SCTR: variants seen among roughly 807,000 people sequenced by gnomAD.
The protein encoded by SCTR is pancreatic secretin receptor.
SCTR carries 56 observed loss-of-function variants against 60.8 expected under a neutral mutation model. That is an observed-to-expected ratio of 0.92 (90% confidence interval 0.74 to 1.15). The LOEUF is 1.15. SCTR is among the 50% of genes most tolerant of loss of function. The probability of loss-of-function intolerance (pLI) is 0.00; values close to 1 mark genes in which losing one functional copy is unlikely to be tolerated. For synonymous variants in SCTR, 202 were observed against 217.0 expected (o/e 0.93, Z 0.61); for missense variants, 562 against 550.4 (o/e 1.02, Z -0.21).
intron 1 of SCTR, among the ~76,000 whole-genome samples, chr2:119,513,401 A>G (rs1447818889): frequency 6.6e-6 from 1 of 152,232 alleles, no homozygotes; most frequent in Non-Finnish European, 1.5e-5. Flanking sequence ...CCCTAAGCAT[A>G]TTTAAAAAAA....
intron 5 of SCTR, 130 bp downstream of exon 5, chr2:119,465,659 A>G (rs138911525): frequency 4.9e-5 from 32 of 651,076 alleles, no homozygotes; most frequent in Non-Finnish European, 8.4e-5. Context: ...GCCATAGGTC[A>G]GCTTTAGATC....
At chr2:119,452,468 G>T (rs1200325683) in intron 8 of SCTR, among the ~76,000 whole-genome samples, 1 of 152,156 alleles carries the variant, frequency 6.6e-6, no homozygotes, top group East Asian at 1.9e-4. Context: ...GGCCTGGAGG[G>T]TACTGAGCAA....
chr2:119,502,821 G>A (rs758842617), intron 1 of SCTR, among the ~76,000 whole-genome samples: 14 of 135,662 alleles, frequency 1.0e-4, no homozygotes, highest in East Asian at 4.1e-4. Flanking sequence ...GTGAGACCTC[G>A]TCAAAAAAAA....
At position 119,468,886 on chromosome 2, in the gene SCTR, T is replaced by G. The variant is rs1683946498; in HGVS notation, c.406-3000A>C. Among the ~76,000 whole-genome samples the G allele has an allele frequency of 2.0e-5, 3 of 152,134 alleles. No homozygotes were observed. The South Asian group carries it at 6.2e-4, about 32-fold the overall frequency. On this transcript the variant is annotated intron_variant, in intron 4 of 12. Transcript: ENST00000019103. The stretch of plus-strand genomic sequence containing the variant: ...ACACACACTTAGAGGAGAAAAGTGT[T>G]AGACTGAACAACATGTAGAAGAAGG...
At chr2:119,519,670 G>T (rs13011233) in intron 1 of SCTR, among the ~76,000 whole-genome samples, 34,018 of 151,644 alleles carry the variant, frequency 0.22, 4,123 homozygotes, top group Non-Finnish European at 0.26. Flanking sequence ...GCCAGACATT[G>T]TGGTGCATGC....
chr2:119,524,296 A>T lies in SCTR; in HGVS notation c.-70T>A. ...GTGCCCTCTGCCCGCTCGGGAGCTC[A>T]GCGCCCCGCGCAGGGTCCCGGGCTC... is the stretch of plus-strand genomic sequence containing the variant. On this transcript the variant is annotated 5_prime_UTR_variant, in exon 1 of 13. The change abolishes the stop of an existing upstream ORF in the 5' untranslated region. Transcript: ENST00000019103. 9.2e-7 allele frequency: 1 copy of T among 1,090,980 alleles called. No homozygotes were observed. The highest frequency in any genetic ancestry group is 1.2e-6 in the Non-Finnish European group (1 of 821,978). The allele number at this position is 1,090,980 out of a possible 1,614,324, so 67.6% of individuals were successfully genotyped here. A position where few individuals can be genotyped will look rare whatever the true frequency, so the allele number is the denominator to read the frequency against.
At chr2:119,457,438 G>T (rs78165473) in intron 7 of SCTR, among the ~76,000 whole-genome samples, 1 of 152,168 alleles carries the variant, frequency 6.6e-6, no homozygotes, top group Non-Finnish European at 1.5e-5. Flanking sequence ...TTGGTCAGGC[G>T]CAATGGCTCA....
chr2:119,501,462 A>C (rs1197476361), intron 1 of SCTR, among the ~76,000 whole-genome samples: 1 of 152,048 alleles, frequency 6.6e-6, no homozygotes, highest in African/African-American at 2.4e-5. Context: ...GGTGTTTACC[A>C]CCTGCTGGGA....
chr2:119,467,001 G>A (rs1012315614), intron 4 of SCTR, among the ~76,000 whole-genome samples: 7 of 152,150 alleles, frequency 4.6e-5, no homozygotes, highest in Non-Finnish European at 7.4e-5. Flanking sequence ...ATGCAGCCAA[G>A]CAGGCATTCA....
rs1353456317 is a variant in SCTR at position 119,494,363 on chromosome 2, C to T, written c.193+65G>A. The T allele has an allele frequency of 1.9e-5, 30 of 1,569,400 alleles. No homozygotes were observed. The East Asian group carries it at 6.6e-4, about 35-fold the overall frequency. Reference sequence around the variant, plus strand: ...CATCCTGGCCCAGGATAAGCTCCCCCTGCCCAGCAGGACCGGACATGCTCC... The same window carrying T: ...CATCCTGGCCCAGGATAAGCTCCCCTTGCCCAGCAGGACCGGACATGCTCC... On this transcript the variant is annotated intron_variant, in intron 2 of 12. Transcript: ENST00000019103.
At chr2:119,485,678 C>T (rs928939341) in intron 2 of SCTR, among the ~76,000 whole-genome samples, 2 of 152,170 alleles carry the variant, frequency 1.3e-5, no homozygotes, top group Non-Finnish European at 2.9e-5. Context: ...CTGATGGGGT[C>T]ACCAGGGAAG....
intron 7 of SCTR, among the ~76,000 whole-genome samples, chr2:119,460,151 T>C (rs1223547739): frequency 6.6e-5 from 10 of 151,628 alleles, no homozygotes. Flanking sequence ...GCAGCTCCCC[T>C]GATCGGGAGA....
At chr2:119,468,202 A>T (rs968078098) in intron 4 of SCTR, among the ~76,000 whole-genome samples, 6 of 152,206 alleles carry the variant, frequency 3.9e-5, no homozygotes, top group Non-Finnish European at 8.8e-5. Context: ...TCCACAGTGG[A>T]TAAGGGCTAT....
At chr2:119,507,292 T>C (rs1435414908) in intron 1 of SCTR, among the ~76,000 whole-genome samples, 1 of 152,260 alleles carries the variant, frequency 6.6e-6, no homozygotes, top group Non-Finnish European at 1.5e-5. Context: ...TACAGTATGA[T>C]TGTAATTATG....
intron 9 of SCTR, among the ~76,000 whole-genome samples, chr2:119,449,202 G>C (rs1319282112): frequency 6.6e-6 from 1 of 152,204 alleles, no homozygotes; most frequent in African/African-American, 2.4e-5. Context: ...GGTACCCATT[G>C]CTGGGCTCTA....
At chr2:119,515,251 G>A (rs996473827) in intron 1 of SCTR, among the ~76,000 whole-genome samples, 16 of 152,302 alleles carry the variant, frequency 1.1e-4, no homozygotes, top group African/African-American at 3.6e-4. Flanking sequence ...AAATGGGAGT[G>A]GCATTGCCAA....
chr2:119,468,701 T>C (rs1031761409), intron 4 of SCTR, among the ~76,000 whole-genome samples: 3 of 152,188 alleles, frequency 2.0e-5, no homozygotes, highest in African/African-American at 7.2e-5. Context: ...GTTACACTGA[T>C]GGAGTGCTGT....
Position 119,464,209 on chromosome 2 carries a change from A to G in SCTR, c.550T>C (p.Ser184Pro). ...RNYIHMHLFV[S>P]FILRALSNFI... ...TTGGACAGGGCACGAAGGATGAAGG[A>G]CACGAACAGGTGCATGTGGATGTAG... Residue 184 changes from serine (S) to proline (P), a missense_variant, in exon 6 of 13, where the codon TCC becomes CCC. Transcript: ENST00000019103. The G allele has an allele frequency of 6.2e-7, 1 of 1,614,232 alleles. No homozygotes were observed. Among genetic ancestry groups the G allele is most frequent in the Non-Finnish European group, 8.5e-7 (1 of 1,180,028 alleles).
intron 1 of SCTR, among the ~76,000 whole-genome samples, chr2:119,513,759 G>A (rs1039465681): frequency 5.3e-5 from 8 of 152,088 alleles, no homozygotes; most frequent in Admixed American, 2.0e-4. Flanking sequence ...TGAAGAGAAC[G>A]GCTTTCTGTA....
Sources: allele counts gnomAD v4.1 joint callset (sites outside exome capture counted in the v4.1 genomes callset), GRCh38; gene constraint gnomAD v4.1.1; transcripts MANE v1.5; gene names NCBI Gene and HGNC (gene_info 2026-07-23, HGNC 2026-07-21).